The following GPR158 variants were observed in gnomAD, a reference collection of about 807,000 sequenced individuals.
GPR158 encodes the protein metabotropic glycine receptor.
In GPR158, 30 loss-of-function variants were observed where a neutral mutation model predicts 78.2. That is an observed-to-expected ratio of 0.38 (90% CI 0.29 to 0.52). GPR158 has a LOEUF of 0.52. GPR158 is among the 20% of genes least tolerant of loss of function. The probability of loss-of-function intolerance (pLI) is 0.83; values close to 1 mark genes in which losing one functional copy is unlikely to be tolerated. For synonymous variants in GPR158, 581 were observed against 591.1 expected (o/e 0.98, Z 0.25); for missense variants, 1,463 against 1,523.5 (o/e 0.96, Z 0.66).
intron 2 of GPR158, among the ~76,000 whole-genome samples, chr10:25,352,324 C>A (rs1279277574): frequency 6.6e-6 from 1 of 152,016 alleles, no homozygotes; most frequent in African/African-American, 2.4e-5. Flanking sequence ...CTGAGTAAGG[C>A]ACTCCTCAAA....
chr10:25,278,416 G>T (rs960050234), intron 2 of GPR158, among the ~76,000 whole-genome samples: 1 of 152,066 alleles, frequency 6.6e-6, no homozygotes, highest in African/African-American at 2.4e-5. Flanking sequence ...GAGCGATTAA[G>T]ATATTTGGAG....
At chr10:25,208,411 A>G (rs1288859051) in intron 1 of GPR158, among the ~76,000 whole-genome samples, 1 of 152,252 alleles carries the variant, frequency 6.6e-6, no homozygotes, top group Non-Finnish European at 1.5e-5. Context: ...AACTAAATAA[A>G]TGATGGTATT....
intron 2 of GPR158, among the ~76,000 whole-genome samples, chr10:25,327,798 G>A (rs1040301398): frequency 1.3e-5 from 2 of 152,098 alleles, no homozygotes; most frequent in Admixed American, 6.6e-5. Flanking sequence ...AAAGAATGAA[G>A]AAGATACTGA....
chr10:25,431,880 T>A (rs1588860866), intron 4 of GPR158, among the ~76,000 whole-genome samples: 1 of 151,886 alleles, frequency 6.6e-6, no homozygotes, highest in African/African-American at 2.4e-5. Context: ...GAGGGATAGC[T>A]TTAGGAGATA....
At chr10:25,414,205 G>C (rs909991687) in intron 4 of GPR158, among the ~76,000 whole-genome samples, 4 of 152,140 alleles carry the variant, frequency 2.6e-5, no homozygotes, top group African/African-American at 7.2e-5. Context: ...TTAGAAACCT[G>C]AGATAGTTCT....
At position 25,296,090 on chromosome 10, in the gene GPR158, G is replaced by A. The variant is rs141161764; in HGVS notation, c.1008+74933G>A. 6.0e-3 allele frequency among the ~76,000 whole-genome samples: 906 copies of A among 151,320 alleles called. 9 individuals are homozygous for A. Among genetic ancestry groups the A allele is most frequent in the African/African-American group, 0.021 (854 of 41,286 alleles). ...AAAAACCTAAGCAAGGATGTCAGCT[G>A]AGCTGGGGACGTGCTTCAGCCTGGT... is the stretch of plus-strand genomic sequence containing the variant. On this transcript the variant is annotated intron_variant, in intron 2 of 10. Coordinates refer to ENST00000376351, the MANE Select transcript of GPR158 (RefSeq NM_020752.3).
At position 25,176,093 on chromosome 10, in the gene GPR158, G is replaced by T; in HGVS notation, c.673G>T (p.Gly225Cys). ...NATLETEWFH[G>C]LRRKWRPHLH... ...CACTCTGGAGACCGAGTGGTTCCACGGCCTCCGGCGCAAGTGGAGGCCCCA... is the reference window on the plus strand; with the variant it reads ...CACTCTGGAGACCGAGTGGTTCCACTGCCTCCGGCGCAAGTGGAGGCCCCA... The change falls in exon 1 of 11, where the codon GGC (glycine) becomes TGC (cysteine). Residue 225 changes from glycine (G) to cysteine (C), a missense_variant. Physicochemically the swap from Gly to Cys is radical, Grantham distance 159. Coordinates refer to ENST00000376351, the MANE Select transcript of GPR158 (RefSeq NM_020752.3). This position sits in a 1 kb window ranked among gnomAD's most constrained non-coding sequence, Gnocchi z 6.3. 1 of 1,588,794 alleles carries T rather than the reference G, an allele frequency of 6.3e-7. No individual in the cohort carries two copies. The highest frequency in any genetic ancestry group is 8.6e-7 in the Non-Finnish European group (1 of 1,168,466).
chr10:25,577,696 G>A (rs6482498), intron 7 of GPR158, among the ~76,000 whole-genome samples: 44,570 of 151,886 alleles, frequency 0.29, 7,124 homozygotes, highest in Non-Finnish European at 0.36. Flanking sequence ...GAGAAAACAC[G>A]TATAGAAAAT....
chr10:25,275,001 G>T (rs546569182), intron 2 of GPR158, among the ~76,000 whole-genome samples: 102 of 152,166 alleles, frequency 6.7e-4, no homozygotes, highest in African/African-American at 2.3e-3. Context: ...TTAGTTGGGG[G>T]CCATTTATTT....
At chr10:25,365,268 TTTAAACAATATTTAATTTTCTCCC>T (rs1294109131) in intron 2 of GPR158, among the ~76,000 whole-genome samples, 1,717 of 13,506 alleles carry the variant, frequency 0.13, 37 homozygotes, top group African/African-American at 0.35. Context: ...TTTCTCCCCA[TTTAAACAATATTTAATTTTCTCCC>T]CATAATAAAA....
chr10:25,497,066 A>G (rs529308103), intron 5 of GPR158, among the ~76,000 whole-genome samples: 1 of 152,290 alleles, frequency 6.6e-6, no homozygotes, highest in African/African-American at 2.4e-5. Context: ...AATGGTGTGC[A>G]TTAAGAGGCT....
At chr10:25,199,994 A>G (rs568679071) in intron 1 of GPR158, among the ~76,000 whole-genome samples, 18 of 152,146 alleles carry the variant, frequency 1.2e-4, no homozygotes, top group Admixed American at 3.3e-4. Context: ...ATGTGTCTTT[A>G]TGGTACAATG....
At chr10:25,193,885 TA>T (rs111919496) in intron 1 of GPR158, among the ~76,000 whole-genome samples, 8,907 of 115,504 alleles carry the variant, frequency 0.077, 357 homozygotes, top group Admixed American at 0.19. Flanking sequence ...GGTAAAGGGG[TA>T]AAAAAAAAAA....
chr10:25,582,291 T>G (rs965009334), intron 7 of GPR158, among the ~76,000 whole-genome samples: 3 of 152,172 alleles, frequency 2.0e-5, no homozygotes, highest in African/African-American at 7.2e-5. Context: ...CTTTGTGAGC[T>G]CATCATGTCC....
chr10:25,249,178 C>A (rs1168206340), intron 2 of GPR158, among the ~76,000 whole-genome samples: 1 of 152,102 alleles, frequency 6.6e-6, no homozygotes, highest in Non-Finnish European at 1.5e-5. Context: ...TGAGACTTTG[C>A]TGAAGTTGCT....
chr10:25,443,813 C>T lies in GPR158; in HGVS notation c.1336-22838C>T, dbSNP rs923354022. Among the ~76,000 whole-genome samples the T allele has an allele frequency of 5.9e-5, 9 of 151,938 alleles. 1 individual carries two copies. The highest frequency in any genetic ancestry group is 1.5e-5 in the Non-Finnish European group (1 of 67,966). ...TGTACTTTTCTCCCTCTGCCATCAC[C>T]CCATGTAGTCAGCTCCTGTTTCTTC... On this transcript the variant is annotated intron_variant, in intron 4 of 10. Transcript: ENST00000376351.
intron 5 of GPR158, among the ~76,000 whole-genome samples, chr10:25,479,561 C>T (rs1309742262): frequency 6.6e-6 from 1 of 151,920 alleles, no homozygotes; most frequent in Non-Finnish European, 1.5e-5. Flanking sequence ...ATTACAGGCA[C>T]CTGTCACCTC....
chr10:25,267,989 T>C (rs953825460), intron 2 of GPR158, among the ~76,000 whole-genome samples: 25 of 152,122 alleles, frequency 1.6e-4, no homozygotes, highest in African/African-American at 6.0e-4. Flanking sequence ...TATAAATATA[T>C]TTACTAGAAA....
At chr10:25,281,776 A>G (rs1337655010) in intron 2 of GPR158, among the ~76,000 whole-genome samples, 1 of 152,154 alleles carries the variant, frequency 6.6e-6, no homozygotes, top group Non-Finnish European at 1.5e-5. Flanking sequence ...AAAGAGCAGA[A>G]TTAGTGAAAT....
Sources: allele counts gnomAD v4.1 joint callset (sites outside exome capture counted in the v4.1 genomes callset), GRCh38; gene constraint gnomAD v4.1.1; non-coding constraint Gnocchi (gnomAD v3.1); transcripts MANE v1.5; gene names NCBI Gene and HGNC (gene_info 2026-07-23, HGNC 2026-07-21).